Variants in SH2D3C observed in about 807,000 individuals in gnomAD.
The protein encoded by SH2D3C is SH2 domain-containing protein 3C.
In SH2D3C, 25 loss-of-function variants were observed where a neutral mutation model predicts 75.2. That is an observed-to-expected ratio of 0.33 (90% CI 0.24 to 0.46). SH2D3C has a LOEUF of 0.46. Among genes scored for constraint, SH2D3C ranks in the 20% least tolerant of loss-of-function variants. The pLI is 1.00. For synonymous variants in SH2D3C, 450 were observed against 473.7 expected (o/e 0.95, Z 0.65); for missense variants, 933 against 1,165.3 (o/e 0.80, Z 2.90).
At chr9:127,747,317 G>C in intron 5 of SH2D3C, 46 bp from the exon 6 acceptor site, 2 of 1,566,812 alleles carry the variant, frequency 1.3e-6, no homozygotes, top group Non-Finnish European at 1.7e-6. Context: ...GAGGTCAGGG[G>C]CCTCAGCCTG....
In SH2D3C at chr9:127,754,528, T is replaced by C. The variant is rs1055051731; in HGVS notation, c.556-3228A>G. Among the ~76,000 whole-genome samples, 4 of 152,014 alleles carry C rather than the reference T, an allele frequency of 2.6e-5. No individual in the cohort carries two copies. Among genetic ancestry groups the C allele is most frequent in the African/African-American group, 9.7e-5 (4 of 41,402 alleles). Reference sequence around the variant, plus strand: ...CCCTCTCACCGCCGCGGCGCCGTCCTGCACTGCCCGGCCAGCTGGGCTGGG... The same window carrying C: ...CCCTCTCACCGCCGCGGCGCCGTCCCGCACTGCCCGGCCAGCTGGGCTGGG... On this transcript the variant is annotated intron_variant, in intron 3 of 11. Transcript: ENST00000314830. The surrounding 1 kb of genome is among the most constrained non-coding windows in gnomAD (Gnocchi z 4.4).
intron 2 of SH2D3C, among the ~76,000 whole-genome samples, chr9:127,773,607 A>G (rs546529469): frequency 1.8e-4 from 27 of 152,226 alleles, no homozygotes; most frequent in African/African-American, 6.5e-4. Flanking sequence ...GCACCTGGTC[A>G]ATGTGTAGGT....
In SH2D3C at chr9:127,754,890, G is replaced by C. The variant is rs997490746; in HGVS notation, c.556-3590C>G. On this transcript the variant is annotated intron_variant, in intron 3 of 11. Transcript: ENST00000314830. This position sits in a 1 kb window ranked among gnomAD's most constrained non-coding sequence, Gnocchi z 4.4. ...AGTGGCCGCCGAACCCTCACCCCGC[G>C]GAGCGCCTGGGCGCCCAGAGGTGAG... is the stretch of plus-strand genomic sequence containing the variant. The C allele has an allele frequency of 7.9e-6, 4 of 508,640 alleles. No homozygotes were observed. Among genetic ancestry groups the C allele is most frequent in the African/African-American group, 3.9e-5 (2 of 50,684 alleles). 31.5% of individuals were successfully genotyped at this position (508,640 alleles called of 1,614,324 possible). A position where few individuals can be genotyped will look rare whatever the true frequency, so the allele number is the denominator to read the frequency against.
At position 127,754,775 on chromosome 9, in the gene SH2D3C, C is replaced by A; in HGVS notation, c.556-3475G>T. 1 of 475,774 alleles carries A rather than the reference C, an allele frequency of 2.1e-6. No individual in the cohort carries two copies. Among genetic ancestry groups the A allele is most frequent in the Non-Finnish European group, 4.3e-6 (1 of 230,548 alleles). The allele number at this position is 475,774 out of a possible 1,614,324, so 29.5% of individuals were successfully genotyped here. A position where few individuals can be genotyped will look rare whatever the true frequency, so the allele number is the denominator to read the frequency against. On this transcript the variant is annotated intron_variant, in intron 3 of 11. Coordinates refer to ENST00000314830, the MANE Select transcript of SH2D3C (RefSeq NM_170600.3). This position sits in a 1 kb window ranked among gnomAD's most constrained non-coding sequence, Gnocchi z 4.4. ...GGAGGACCGGCAGGACGCCGGAGAC[C>A]CCATCTCCCAGTCCCCCCTGCCCCA...
intron 1 of SH2D3C, among the ~76,000 whole-genome samples, chr9:127,778,354 G>A (rs1216100034): frequency 6.6e-6 from 1 of 152,084 alleles, no homozygotes; most frequent in Non-Finnish European, 1.5e-5. Flanking sequence ...TTCTTAGGAG[G>A]CTGAGGTGGG....
chr9:127,752,537 G>A (rs1845230731), intron 3 of SH2D3C, among the ~76,000 whole-genome samples: 1 of 152,068 alleles, frequency 6.6e-6, no homozygotes, highest in South Asian at 2.1e-4. Context: ...CCTCGCTCCT[G>A]AGAGTCCGAA....
rs1465674388 is a variant in SH2D3C, at chr9:127,738,780, T to G, written c.2549A>C (p.Lys850Thr). ...GCTGGAGCGGACAGCAGGTTCCAGCTTGTGGGACAGGGCAGTGAGGACCTT... is the reference window on the plus strand; with the variant it reads ...GCTGGAGCGGACAGCAGGTTCCAGCGTGTGGGACAGGGCAGTGAGGACCTT... ...FDKVLTALSHKLEPAVRSSEL is the reference protein window; with the variant it reads ...FDKVLTALSHTLEPAVRSSEL The change falls in exon 12 of 12, where the codon AAG becomes ACG. Residue 850 changes from lysine to threonine, a missense_variant. Coordinates refer to ENST00000314830, the MANE Select transcript of SH2D3C (RefSeq NM_170600.3). The surrounding 1 kb of genome is among the most constrained non-coding windows in gnomAD (Gnocchi z 5.0). The G allele has an allele frequency of 3.7e-6, 6 of 1,608,824 alleles. No homozygotes were observed. Among genetic ancestry groups the G allele is most frequent in the Admixed American group, 1.7e-5 (1 of 59,240 alleles).
intron 2 of SH2D3C, among the ~76,000 whole-genome samples, chr9:127,772,850 T>TC (rs1299058310): frequency 6.6e-6 from 1 of 152,008 alleles, no homozygotes; most frequent in East Asian, 1.9e-4. Context: ...TTTTTTTTTT[T>TC]CAAGACTGAG....
intron 8 of SH2D3C, among the ~76,000 whole-genome samples, chr9:127,742,217 TTTTG>T (rs1358690834): frequency 3.3e-5 from 5 of 151,960 alleles, no homozygotes; most frequent in African/African-American, 7.2e-5. Context: ...TAGTTTTTTG[TTTTG>T]TTTTTGTTTG....
At chr9:127,741,181 T>G (rs1463764696) in intron 9 of SH2D3C, among the ~76,000 whole-genome samples, 1 of 152,190 alleles carries the variant, frequency 6.6e-6, no homozygotes, top group African/African-American at 2.4e-5. Context: ...GGTTAAGCAC[T>G]TAGTATAGCA....
chr9:127,764,174 A>G (rs1213541494), intron 2 of SH2D3C, among the ~76,000 whole-genome samples: 1 of 152,080 alleles, frequency 6.6e-6, no homozygotes, highest in Non-Finnish European at 1.5e-5. Context: ...TGCACAAGAG[A>G]TCAGGCCTGA....
chr9:127,742,365 G>A (rs1426520042), intron 8 of SH2D3C, among the ~76,000 whole-genome samples: 1 of 152,176 alleles, frequency 6.6e-6, no homozygotes, highest in Non-Finnish European at 1.5e-5. Context: ...GCCTCCAGAG[G>A]AGCTGGGATT....
chr9:127,757,645 G>GATGATGATT (rs749540385), intron 3 of SH2D3C, among the ~76,000 whole-genome samples: 9 of 121,514 alleles, frequency 7.4e-5, no homozygotes, highest in Non-Finnish European at 1.3e-4. Flanking sequence ...TGATGATGAT[G>GATGATGATT]ATTATTATTA....
intron 2 of SH2D3C, chr9:127,771,094 CA>C (rs910032231): frequency 1.9e-6 from 2 of 1,039,250 alleles, no homozygotes; most frequent in African/African-American, 3.3e-5. Flanking sequence ...ACCCCGCCCC[CA>C]AATTTGTCAG....
intron 3 of SH2D3C, among the ~76,000 whole-genome samples, chr9:127,756,863 A>C (rs1381832263): frequency 6.6e-6 from 1 of 151,012 alleles, no homozygotes; most frequent in Non-Finnish European, 1.5e-5. Flanking sequence ...CGATCTCCTG[A>C]CCTCGTGATC....
intron 2 of SH2D3C, among the ~76,000 whole-genome samples, chr9:127,763,664 G>T (rs1845579755): frequency 6.6e-6 from 1 of 152,138 alleles, no homozygotes; most frequent in Non-Finnish European, 1.5e-5. Context: ...CTGCAAAATG[G>T]GGAGGGGAGT....
chr9:127,755,214 G>A (rs1334796840), intron 3 of SH2D3C: 5 of 1,193,934 alleles, frequency 4.2e-6, no homozygotes, highest in Admixed American at 4.4e-5. Context: ...GGCCGGCGGG[G>A]CAGGGGCGCA....
At chr9:127,777,876 C>A (rs758608550) in intron 1 of SH2D3C, among the ~76,000 whole-genome samples, 1 of 151,118 alleles carries the variant, frequency 6.6e-6, no homozygotes, top group Non-Finnish European at 1.5e-5. Context: ...AGAAACAAGG[C>A]GGGAAACAGG....
intron 7 of SH2D3C, among the ~76,000 whole-genome samples, chr9:127,744,220 A>G (rs1306110080): frequency 6.6e-6 from 1 of 151,620 alleles, no homozygotes; most frequent in African/African-American, 2.4e-5. Flanking sequence ...ACAGGCGCCC[A>G]CCACGACGCC....
Sources: allele counts gnomAD v4.1 joint callset (sites outside exome capture counted in the v4.1 genomes callset), GRCh38; gene constraint gnomAD v4.1.1; non-coding constraint Gnocchi (gnomAD v3.1); transcripts MANE v1.5; gene names NCBI Gene and HGNC (gene_info 2026-07-23, HGNC 2026-07-21).